ST6GAL1: variants seen among roughly 807,000 people sequenced by gnomAD.
ST6GAL1 encodes ST6 beta-galactoside alpha-2,6-sialyltransferase 1.
ST6GAL1 carries 20 observed loss-of-function variants against 38.0 expected under a neutral mutation model. That is an observed-to-expected ratio of 0.53 (90% CI 0.37 to 0.77). ST6GAL1 has a LOEUF of 0.77. Among genes scored for constraint, ST6GAL1 ranks in the 30% least tolerant of loss-of-function variants. ST6GAL1 has a pLI of 0.00. For synonymous variants in ST6GAL1, 196 were observed against 188.2 expected, an observed-to-expected ratio of 1.04 and a Z score of -0.34; for missense variants, 432 against 496.4, an observed-to-expected ratio of 0.87 and a Z score of 1.23.
intron 1 of ST6GAL1, among the ~76,000 whole-genome samples, chr3:186,961,195 T>G (rs1054425792): frequency 2.6e-5 from 4 of 152,104 alleles, no homozygotes; most frequent in Non-Finnish European, 4.4e-5. Context: ...AAGCTGGTCT[T>G]GAACTCCTGA....
At position 186,952,478 on chromosome 3, in the gene ST6GAL1, C is replaced by T. The variant is rs2377934; in HGVS notation, c.-324-11307C>T. Among the ~76,000 whole-genome samples, 1 of 152,250 alleles carries T rather than the reference C, an allele frequency of 6.6e-6. No individual in the cohort carries two copies. Among genetic ancestry groups the T allele is most frequent in the East Asian group, 1.9e-4 (1 of 5,186 alleles). On this transcript the variant is annotated intron_variant, in intron 1 of 7. Coordinates refer to ENST00000169298, the MANE Select transcript of ST6GAL1 (RefSeq NM_173216.2). This position sits in a 1 kb window ranked among gnomAD's most constrained non-coding sequence, Gnocchi z 4.1. Reference sequence around the variant, plus strand: ...TAGGTTCTCCTTCTCAGTTCCTTTTCTTGGCTCATTTTCTTTTCTTTTCTT... The same window carrying T: ...TAGGTTCTCCTTCTCAGTTCCTTTTTTTGGCTCATTTTCTTTTCTTTTCTT...
chr3:186,953,298 C>T (rs1214566121), intron 1 of ST6GAL1, among the ~76,000 whole-genome samples: 2 of 152,192 alleles, frequency 1.3e-5, no homozygotes, highest in African/African-American at 4.8e-5. Flanking sequence ...ATCTCCTGCT[C>T]TTTTCCACCG....
chr3:187,064,773 A>G (rs920902065), intron 5 of ST6GAL1, among the ~76,000 whole-genome samples: 2 of 152,090 alleles, frequency 1.3e-5, no homozygotes, highest in African/African-American at 4.8e-5. Flanking sequence ...TTGATATCCT[A>G]AAAAGCTGGT....
intron 4 of ST6GAL1, 68 bp downstream of exon 4, chr3:187,043,378 G>A: frequency 6.4e-7 from 1 of 1,550,758 alleles, no homozygotes; most frequent in Non-Finnish European, 8.7e-7. Context: ...TGATGGTATG[G>A]GAGACAAGTG....
chr3:187,065,681 C>T (rs1719078624), intron 5 of ST6GAL1, among the ~76,000 whole-genome samples: 1 of 152,180 alleles, frequency 6.6e-6, no homozygotes, highest in Non-Finnish European at 1.5e-5. Context: ...TTTGTGCTAG[C>T]TGGAGAGAGA....
intron 1 of ST6GAL1, among the ~76,000 whole-genome samples, chr3:186,959,278 A>G (rs1283733085): frequency 2.0e-5 from 3 of 152,118 alleles, no homozygotes; most frequent in African/African-American, 7.2e-5. Flanking sequence ...TCTTTGCTGG[A>G]ATCTCTTGGC....
At chr3:186,983,904 A>G (rs1715775909) in intron 2 of ST6GAL1, among the ~76,000 whole-genome samples, 2 of 152,070 alleles carry the variant, frequency 1.3e-5, no homozygotes, top group Admixed American at 6.5e-5. Context: ...CATGCTGATA[A>G]CTCCCAAATA....
chr3:187,022,793 G>A (rs1191286052), intron 2 of ST6GAL1, among the ~76,000 whole-genome samples: 2 of 152,190 alleles, frequency 1.3e-5, no homozygotes, highest in Non-Finnish European at 2.9e-5. Flanking sequence ...AGAGTCTGCT[G>A]TCTGTCATGT....
chr3:187,063,649 A>G (rs1718997083), intron 5 of ST6GAL1, among the ~76,000 whole-genome samples: 1 of 152,136 alleles, frequency 6.6e-6, no homozygotes, highest in Non-Finnish European at 1.5e-5. Context: ...GAGGCTACCT[A>G]CTCTCTGAGC....
chr3:187,023,578 C>A (rs1351860355), intron 2 of ST6GAL1, among the ~76,000 whole-genome samples: 2 of 152,150 alleles, frequency 1.3e-5, no homozygotes, highest in East Asian at 3.9e-4. Flanking sequence ...AGTTCACGTC[C>A]TTTGTAGGGA....
intron 2 of ST6GAL1, among the ~76,000 whole-genome samples, chr3:187,035,162 A>G (rs2108574923): frequency 6.6e-6 from 1 of 152,342 alleles, no homozygotes; most frequent in East Asian, 1.9e-4. Context: ...TAGTCGCAAC[A>G]AAATTTTAAA....
intron 5 of ST6GAL1, among the ~76,000 whole-genome samples, chr3:187,054,326 C>T (rs1343871072): frequency 6.6e-6 from 1 of 152,192 alleles, no homozygotes; most frequent in African/African-American, 2.4e-5. Context: ...GCCAGAACTT[C>T]CAACACTATG....
At chr3:186,980,055 G>A (rs1200632738) in intron 2 of ST6GAL1, among the ~76,000 whole-genome samples, 1 of 152,134 alleles carries the variant, frequency 6.6e-6, no homozygotes, top group East Asian at 1.9e-4. Context: ...GTTCAGAGAG[G>A]TTAAGTAAGT....
At chr3:187,000,163 A>G (rs2108552116) in intron 2 of ST6GAL1, among the ~76,000 whole-genome samples, 2 of 152,308 alleles carry the variant, frequency 1.3e-5, no homozygotes, top group South Asian at 2.1e-4. Flanking sequence ...GCCTCCTGAC[A>G]CATTACTGTT....
chr3:186,966,836 C>T (rs1325760706), intron 2 of ST6GAL1, among the ~76,000 whole-genome samples: 1 of 152,126 alleles, frequency 6.6e-6, no homozygotes, highest in Non-Finnish European at 1.5e-5. Flanking sequence ...GAACTGTTTC[C>T]CGGGGAGCGC....
chr3:186,943,346 C>T (rs765052888), intron 1 of ST6GAL1, among the ~76,000 whole-genome samples: 1 of 152,212 alleles, frequency 6.6e-6, no homozygotes, highest in Non-Finnish European at 1.5e-5. Context: ...GAGAGAAATG[C>T]ATGAGGCATG....
intron 2 of ST6GAL1, among the ~76,000 whole-genome samples, chr3:186,969,055 T>C (rs1040560799): frequency 1.4e-5 from 2 of 146,908 alleles, no homozygotes; most frequent in African/African-American, 2.5e-5. Flanking sequence ...CTTTTTCTTT[T>C]TTTTTTTTTT....
chr3:186,969,628 A>G (rs1053914167), intron 2 of ST6GAL1, among the ~76,000 whole-genome samples: 34 of 152,332 alleles, frequency 2.2e-4, no homozygotes, highest in African/African-American at 6.7e-4. Flanking sequence ...TGGCTTGTAC[A>G]TGACAGGAGA....
intron 5 of ST6GAL1, among the ~76,000 whole-genome samples, chr3:187,069,168 C>T (rs1302374165): frequency 1.3e-5 from 2 of 151,526 alleles, no homozygotes; most frequent in East Asian, 3.9e-4. Flanking sequence ...CGGAGTCTCG[C>T]TCTGTCGCCA....
Sources: allele counts gnomAD v4.1 joint callset (sites outside exome capture counted in the v4.1 genomes callset), GRCh38; gene constraint gnomAD v4.1.1; non-coding constraint Gnocchi (gnomAD v3.1); transcripts MANE v1.5; gene names NCBI Gene and HGNC (gene_info 2026-07-23, HGNC 2026-07-21).